The following LRP1B variants were observed in gnomAD, a reference collection of about 807,000 sequenced individuals.
The protein encoded by LRP1B is low-density lipoprotein receptor-related protein 1B.
LRP1B carries 217 observed loss-of-function variants against 556.6 expected under a neutral mutation model. That is an observed-to-expected ratio of 0.39 (90% CI 0.35 to 0.44). The LOEUF (loss-of-function observed/expected upper bound fraction) is 0.44, where lower values mean the gene tolerates loss of function less well. Ranked by LOEUF, LRP1B falls within the 20% of genes least tolerant of loss-of-function variation. The probability of loss-of-function intolerance (pLI) is 1.00; values close to 1 mark genes in which losing one functional copy is unlikely to be tolerated. For synonymous variants in LRP1B, 2,047 were observed against 1,865.8 expected (o/e 1.10, Z -2.50); for missense variants, 5,053 against 5,620.8 (o/e 0.90, Z 3.23).
intron 1 of LRP1B, among the ~76,000 whole-genome samples, chr2:141,993,387 G>A (rs1437208967): frequency 6.6e-6 from 1 of 151,500 alleles, no homozygotes; most frequent in African/African-American, 2.4e-5. Flanking sequence ...CCCATTGCTT[G>A]TAATCATCTG....
At chr2:140,522,930 A>G (rs1690247427) in intron 49 of LRP1B, among the ~76,000 whole-genome samples, 1 of 152,052 alleles carries the variant, frequency 6.6e-6, no homozygotes, top group South Asian at 2.1e-4. Flanking sequence ...CCTGGAACAG[A>G]TATATTCACA....
At chr2:141,709,788 C>T (rs187428539) in intron 2 of LRP1B, among the ~76,000 whole-genome samples, 226 of 152,078 alleles carry the variant, frequency 1.5e-3, no homozygotes, top group African/African-American at 5.0e-3. Context: ...TTAATAAGAT[C>T]GGTGTCTTAG....
intron 1 of LRP1B, among the ~76,000 whole-genome samples, chr2:141,910,552 CTTA>C (rs755792532): frequency 9.2e-5 from 14 of 152,026 alleles, no homozygotes; most frequent in Admixed American, 3.3e-4. Flanking sequence ...CTACTGGCTA[CTTA>C]TTATACTGCA....
rs112325350 is a variant in LRP1B at position 141,247,463 on chromosome 2, A to G, written c.464-109T>C. On this transcript the variant is annotated intron_variant, in intron 4 of 90. Coordinates refer to ENST00000389484, the MANE Select transcript of LRP1B (RefSeq NM_018557.3). ...CTTCGGAAATAGACTATTAAGGAAA[A>G]GCCAATTCCAATAAGTCTTTTCAAA... The G allele has an allele frequency of 4.8e-5, 61 of 1,271,652 alleles. 1 individual carries two copies. The African/African-American group carries it at 7.2e-4, about 15-fold the overall frequency. 78.8% of individuals were successfully genotyped at this position (1,271,652 alleles called of 1,614,324 possible).
intron 1 of LRP1B, among the ~76,000 whole-genome samples, chr2:141,974,935 A>G (rs901099265): frequency 1.3e-5 from 2 of 151,996 alleles, no homozygotes; most frequent in African/African-American, 4.8e-5. Context: ...CCCCCTCTTT[A>G]TACATGCCCA....
chr2:141,478,552 C>T (rs1682798212), intron 3 of LRP1B, among the ~76,000 whole-genome samples: 1 of 149,382 alleles, frequency 6.7e-6, no homozygotes, highest in Non-Finnish European at 1.5e-5. Context: ...CTCATTCTCT[C>T]TTTCTTTCTT....
chr2:140,619,959 T>C (rs1053004578), intron 41 of LRP1B, among the ~76,000 whole-genome samples: 12 of 152,196 alleles, frequency 7.9e-5, no homozygotes, highest in Non-Finnish European at 1.2e-4. Flanking sequence ...TTTTTAAACA[T>C]CATATTTTTT....
intron 3 of LRP1B, among the ~76,000 whole-genome samples, chr2:141,307,576 A>G (rs902551364): frequency 3.9e-5 from 6 of 152,008 alleles, no homozygotes; most frequent in Admixed American, 2.0e-4. Context: ...CAGCTAGTCT[A>G]TTTCTTTTCA....
intron 41 of LRP1B, among the ~76,000 whole-genome samples, chr2:140,637,404 G>A (rs763902088): frequency 1.4e-4 from 22 of 152,094 alleles, no homozygotes; most frequent in Non-Finnish European, 2.8e-4. Flanking sequence ...GGAGGTCTTG[G>A]GGTGTACATA....
At chr2:141,571,800 C>A (rs890874895) in intron 2 of LRP1B, among the ~76,000 whole-genome samples, 7 of 151,776 alleles carry the variant, frequency 4.6e-5, no homozygotes, top group African/African-American at 1.7e-4. Context: ...GTATCAACAG[C>A]CAAATCAACC....
chr2:140,576,011 CAAT>C (rs1187472871), intron 43 of LRP1B, among the ~76,000 whole-genome samples: 1 of 152,082 alleles, frequency 6.6e-6, no homozygotes, highest in African/African-American at 2.4e-5. Flanking sequence ...ATCACAACAA[CAAT>C]GCTTGATCTT....
intron 2 of LRP1B, among the ~76,000 whole-genome samples, chr2:141,797,718 T>A (rs936735721): frequency 3.9e-5 from 6 of 152,162 alleles, no homozygotes; most frequent in African/African-American, 1.4e-4. Context: ...TTTGTTGTAA[T>A]TTAATGTTGG....
rs182430629 is a variant in LRP1B, at chr2:141,435,897, G to A, written c.343+44499C>T. 2.0e-3 allele frequency among the ~76,000 whole-genome samples: 302 copies of A among 152,224 alleles called. 5 individuals carry two copies. The highest frequency in any genetic ancestry group is 7.0e-3 in the African/African-American group (292 of 41,540). ...GGCCTGGGTGGGAGGAGAAACACTG[G>A]CATTCTACCCTCCTGGGTGAAACTG... is the stretch of plus-strand genomic sequence containing the variant. On this transcript the variant is annotated intron_variant, in intron 3 of 90. Coordinates refer to ENST00000389484, the MANE Select transcript of LRP1B (RefSeq NM_018557.3).
intron 66 of LRP1B, among the ~76,000 whole-genome samples, chr2:140,430,022 T>C (rs1685850772): frequency 6.6e-6 from 1 of 152,172 alleles, no homozygotes; most frequent in African/African-American, 2.4e-5. Flanking sequence ...ATACCACACC[T>C]GACCCCCATG....
chr2:141,094,632 A>G (rs1700251087), intron 7 of LRP1B, among the ~76,000 whole-genome samples: 1 of 152,178 alleles, frequency 6.6e-6, no homozygotes, highest in Non-Finnish European at 1.5e-5. Flanking sequence ...TCTGGGCTAA[A>G]GAATATTCTT....
Position 141,785,058 on chromosome 2 carries a change from C to G in LRP1B, c.205+25221G>C, listed in dbSNP as rs528108718. On this transcript the variant is annotated intron_variant, in intron 2 of 90. Transcript: ENST00000389484. ...TCATCCATTTCTGATTTCCTTCTCC[C>G]TCCTAACTTCACAGGAAAAAAACCT... 1.1e-4 allele frequency among the ~76,000 whole-genome samples: 16 copies of G among 152,064 alleles called. No individual in the cohort carries two copies. The South Asian group carries it at 3.1e-3, about 30-fold the overall frequency.
intron 1 of LRP1B, among the ~76,000 whole-genome samples, chr2:141,935,059 TA>T (rs11311835): frequency 0.86 from 130,037 of 151,746 alleles, 55,906 homozygotes; most frequent in East Asian, 1. Flanking sequence ...ATCTCCTCTA[TA>T]AAAAATGACA....
intron 41 of LRP1B, among the ~76,000 whole-genome samples, chr2:140,635,391 T>C (rs1684036440): frequency 1.3e-5 from 2 of 152,062 alleles, no homozygotes; most frequent in Non-Finnish European, 2.9e-5. Context: ...GTAATGAAAT[T>C]GGTGTATGAG....
intron 37 of LRP1B, among the ~76,000 whole-genome samples, chr2:140,707,334 G>A (rs188431281): frequency 6.6e-6 from 1 of 152,054 alleles, no homozygotes; most frequent in South Asian, 2.1e-4. Context: ...GAAAAGAATC[G>A]AGAATGTCAT....
Sources: gnomAD v4.1 joint callset for allele counts (sites outside exome capture counted in the v4.1 genomes callset) on GRCh38, gnomAD v4.1.1 for gene constraint, MANE v1.5 for transcripts, NCBI Gene and HGNC (gene_info 2026-07-23, HGNC 2026-07-21) for gene names.